RC3H2: variants seen among roughly 807,000 people sequenced by gnomAD.
RC3H2 encodes ring finger and CCCH-type domains 2, also known as roquin-2.
In RC3H2, 31 loss-of-function variants were observed where a neutral mutation model predicts 133.3. That is an observed-to-expected ratio of 0.23 (90% CI 0.17 to 0.31). RC3H2 has a LOEUF of 0.31. Among genes scored for constraint, RC3H2 ranks in the 10% least tolerant of loss-of-function variants. The probability of loss-of-function intolerance (pLI) is 1.00; values close to 1 mark genes in which losing one functional copy is unlikely to be tolerated. For synonymous variants in RC3H2, 517 were observed against 502.2 expected (o/e 1.03, Z -0.40); for missense variants, 1,175 against 1,437.2 (o/e 0.82, Z 2.95).
chr9:122,853,187 G>GCTCA (rs1373341979), intron 18 of RC3H2, among the ~76,000 whole-genome samples: 5 of 151,762 alleles, frequency 3.3e-5, no homozygotes, highest in African/African-American at 4.9e-5. Flanking sequence ...AAGGCAGCAT[G>GCTCA]CTCATTAAGA....
chr9:122,892,060 TAC>T (rs943762197), intron 3 of RC3H2, among the ~76,000 whole-genome samples: 36 of 152,276 alleles, frequency 2.4e-4, no homozygotes, highest in African/African-American at 8.4e-4. Context: ...ACAGCACTAT[TAC>T]ACAGTGAATT....
In RC3H2 at chr9:122,865,445, C is replaced by A; in HGVS notation, c.1538G>T (p.Ser513Ile). 1 of 1,614,216 alleles carries A rather than the reference C, an allele frequency of 6.2e-7. No homozygotes were observed. Among genetic ancestry groups the A allele is most frequent in the Non-Finnish European group, 8.5e-7 (1 of 1,180,030 alleles). ...VSQLISRSTD[S>I]TLRALETVKK... ...CACGGTCTCCAGAGCTCTTAAGGTA[C>A]TGTCAGTACTACGTGAGATTAGCTG... The change falls in exon 10 of 21, where the codon AGT (serine) becomes ATT (isoleucine). Residue 513 changes from serine (S) to isoleucine (I), a missense_variant. Transcript: ENST00000357244.
At chr9:122,903,998 G>C (rs1308546962) in intron 1 of RC3H2, among the ~76,000 whole-genome samples, 2 of 152,146 alleles carry the variant, frequency 1.3e-5, no homozygotes, top group Admixed American at 6.5e-5. Context: ...GCTAACATTT[G>C]TTTCTTTGCT....
intron 8 of RC3H2, 64 bp downstream of exon 8, chr9:122,879,691 A>G: frequency 9.3e-7 from 1 of 1,070,826 alleles, no homozygotes; most frequent in Non-Finnish European, 1.4e-6. Flanking sequence ...ACAGCTGGTT[A>G]AGATGTTCAG....
Position 122,897,342 on chromosome 9 carries a change from G to C in RC3H2, c.168C>G (p.Ala56=). 1 of 1,614,200 alleles carries C rather than the reference G, an allele frequency of 6.2e-7. No individual in the cohort carries two copies. Among genetic ancestry groups the C allele is most frequent in the Non-Finnish European group, 8.5e-7 (1 of 1,180,018 alleles). Residue 56 remains alanine (A), a synonymous_variant, in exon 2 of 21, where the codon GCC becomes GCG. Transcript: ENST00000357244. Reference sequence around the variant, plus strand: ...GAAGTACATCAATATCTGTGTTGATGGCAGTCTGGTCAAAAGGACAAGCTT... The same window carrying C: ...GAAGTACATCAATATCTGTGTTGATCGCAGTCTGGTCAAAAGGACAAGCTT... The part of the protein sequence containing the change: ...HRKACPFDQT[A]INTDIDVLPV...
chr9:122,902,654 C>T (rs1588120702), intron 1 of RC3H2, among the ~76,000 whole-genome samples: 1 of 151,996 alleles, frequency 6.6e-6, no homozygotes, highest in Non-Finnish European at 1.5e-5. Context: ...GAGTTCCAGA[C>T]CAGCCTGGTC....
At chr9:122,903,218 A>C (rs1448820986) in intron 1 of RC3H2, among the ~76,000 whole-genome samples, 2 of 152,238 alleles carry the variant, frequency 1.3e-5, no homozygotes, top group African/African-American at 4.8e-5. Context: ...CATTCATGAG[A>C]CTGGATGCAA....
Position 122,846,658 on chromosome 9 carries a change from T to G in RC3H2, c.*2969A>C, listed in dbSNP as rs1480476832. 2.6e-5 allele frequency: 4 copies of G among 152,216 alleles called. No homozygotes were observed. The highest frequency in any genetic ancestry group is 9.6e-5 in the African/African-American group (4 of 41,464). 9.4% of individuals were successfully genotyped at this position (152,216 alleles called of 1,614,324 possible). A position where few individuals can be genotyped will look rare whatever the true frequency, so the allele number is the denominator to read the frequency against. On this transcript the variant is annotated 3_prime_UTR_variant, in exon 21 of 21. Coordinates refer to ENST00000357244, the MANE Select transcript of RC3H2 (RefSeq NM_001100588.3). ...CAGACCTCAGACTATTTTTTCTGAT[T>G]AGACAATAGGTAACATATGCAGTTT...
intron 18 of RC3H2, chr9:122,853,714 T>C (rs544113942): frequency 1.9e-6 from 2 of 1,079,520 alleles, no homozygotes; most frequent in Non-Finnish European, 2.6e-6. Context: ...ATCGTGCCAT[T>C]GCACTCCAGG....
intron 13 of RC3H2, among the ~76,000 whole-genome samples, 159 bp from the exon 14 acceptor site, chr9:122,856,037 G>A (rs1830236515): frequency 6.6e-6 from 1 of 152,046 alleles, no homozygotes; most frequent in Non-Finnish European, 1.5e-5. Flanking sequence ...GCAAGAAATG[G>A]TATTTTTACA....
At chr9:122,874,499 ATTTATTAT>A (rs1831248869) in intron 9 of RC3H2, 1 of 151,232 alleles carries the variant, frequency 6.6e-6, no homozygotes, top group Non-Finnish European at 1.5e-5. Context: ...TATTTTATAT[ATTTATTAT>A]TTTATTATTT....
rs775737990 is a variant in RC3H2, at chr9:122,851,331, G to A, written c.3223C>T (p.Pro1075Ser). The A allele has an allele frequency of 1.2e-6, 2 of 1,613,904 alleles. No individual in the cohort carries two copies. Among genetic ancestry groups the A allele is most frequent in the South Asian group, 1.1e-5 (1 of 91,080 alleles). The change falls in exon 19 of 21, where the codon CCA becomes TCA. Residue 1075 changes from proline (P) to serine (S), a missense_variant. This residue lies in a region of RC3H2 where 220 missense variants were observed against 201.1 expected (regional missense o/e 1.09). Transcript: ENST00000357244. ...CTAATTGTGGCACTTACTTCAATTG[G>A]TTCACTTTGTCCATCAGGTTCATCA... Reference protein sequence around the residue: ...DTDEPDGQSEPIEEILDIQLG... With the variant: ...DTDEPDGQSESIEEILDIQLG...
At position 122,854,172 on chromosome 9, in the gene RC3H2, T is replaced by TTAC. The variant is rs777629380; in HGVS notation, c.2982+10_2982+12dup. 3 of 1,613,156 alleles carry TTAC rather than the reference T, an allele frequency of 1.9e-6. No homozygotes were observed. In the South Asian group the frequency reaches 3.3e-5, roughly 18 times the overall value. ...TATTTCTCAAAAATTTATAGCTGAG[T>TTAC]TACAGAGCCTACCTGCTGAAGTTCA... is the stretch of plus-strand genomic sequence containing the variant. On this transcript the variant is annotated intron_variant, in intron 17 of 20. Coordinates refer to ENST00000357244, the MANE Select transcript of RC3H2 (RefSeq NM_001100588.3).
chr9:122,895,116 A>T (rs954466630), intron 2 of RC3H2, among the ~76,000 whole-genome samples: 1 of 152,126 alleles, frequency 6.6e-6, no homozygotes, highest in African/African-American at 2.4e-5. Context: ...ATATTAACAC[A>T]ATACCTGTTG....
chr9:122,862,785 C>T lies in RC3H2; in HGVS notation c.1634+2564G>A, dbSNP rs571166782. On this transcript the variant is annotated intron_variant, in intron 10 of 20. Transcript: ENST00000357244. Reference sequence around the variant, plus strand: ...TGGCAGGTGCCTGTAATCCCAGCTACTTAGGAGGCTGAGGCAGGAGAATTG... The same window carrying T: ...TGGCAGGTGCCTGTAATCCCAGCTATTTAGGAGGCTGAGGCAGGAGAATTG... Among the ~76,000 whole-genome samples the T allele has an allele frequency of 4.9e-3, 741 of 150,484 alleles. 10 individuals are homozygous for T. Among genetic ancestry groups the T allele is most frequent in the Middle Eastern group, 0.01 (3 of 292 alleles).
Position 122,846,633 on chromosome 9 carries a change from C to T in RC3H2, c.*2994G>A, listed in dbSNP as rs1829874081. Reference sequence around the variant, plus strand: ...AAATAACCACCACTTTCCTGCTTTCCAGACCTCAGACTATTTTTTCTGATT... The same window carrying T: ...AAATAACCACCACTTTCCTGCTTTCTAGACCTCAGACTATTTTTTCTGATT... On this transcript the variant is annotated 3_prime_UTR_variant, in exon 21 of 21. Transcript: ENST00000357244. The T allele has an allele frequency of 1.3e-5, 2 of 152,118 alleles. No individual in the cohort carries two copies. The highest frequency in any genetic ancestry group is 1.3e-4 in the Admixed American group (2 of 15,272). 9.4% of individuals were successfully genotyped at this position (152,118 alleles called of 1,614,324 possible). A position where few individuals can be genotyped will look rare whatever the true frequency, so the allele number is the denominator to read the frequency against.
chr9:122,873,420 T>A (rs1831187961), intron 9 of RC3H2, among the ~76,000 whole-genome samples: 1 of 152,152 alleles, frequency 6.6e-6, no homozygotes, highest in African/African-American at 2.4e-5. Flanking sequence ...AATATAAAGA[T>A]GAAGAACCCT....
intron 4 of RC3H2, among the ~76,000 whole-genome samples, chr9:122,888,198 TTTA>T (rs1231310316): frequency 6.6e-6 from 1 of 152,206 alleles, no homozygotes; most frequent in Non-Finnish European, 1.5e-5. Context: ...TAATTTAGGA[TTTA>T]TTATATATTC....
At chr9:122,875,909 G>A (rs1831312892) in intron 9 of RC3H2, among the ~76,000 whole-genome samples, 1 of 152,206 alleles carries the variant, frequency 6.6e-6, no homozygotes, top group South Asian at 2.1e-4. Context: ...ACAGGACAAT[G>A]AGAGGCTATC....
Sources: allele counts gnomAD v4.1 joint callset (sites outside exome capture counted in the v4.1 genomes callset), GRCh38; gene constraint gnomAD v4.1.1; regional missense constraint gnomAD v4.1.1; transcripts MANE v1.5; gene names NCBI Gene and HGNC (gene_info 2026-07-23, HGNC 2026-07-21).